Variants in SENP2 observed in about 807,000 individuals in gnomAD.
SENP2 encodes the protein sentrin-specific protease 2.
Under a neutral mutation model 86.3 loss-of-function variants are expected in SENP2, and 16 were observed. The observed-to-expected ratio is 0.19, with a 90% CI of 0.13 to 0.28. The LOEUF (loss-of-function observed/expected upper bound fraction) is 0.28. SENP2 is among the 10% of genes least tolerant of loss of function. The probability of loss-of-function intolerance (pLI) is 1.00; values close to 1 mark genes in which losing one functional copy is unlikely to be tolerated. For missense variants in SENP2, 552 were observed against 703.0 expected (o/e 0.79, Z 2.43); for synonymous variants, 222 against 238.7 (o/e 0.93, Z 0.64).
At chr3:185,621,386 CTTTTTTTTTTTT>C (rs1220771289) in intron 13 of SENP2, among the ~76,000 whole-genome samples, 7 of 78,778 alleles carry the variant, frequency 8.9e-5, no homozygotes, top group African/African-American at 3.6e-4. Context: ...TCTTTTTTTT[CTTTTTTTTTTTT>C]TTTTTTTTTT....
chr3:185,621,826 G>C lies in SENP2; in HGVS notation c.1447G>C (p.Val483Leu). ...IHRKVHWSLV[V>L]IDLRKKCLKY... ...TGGATGTTATCTTTTTCCATTATAG[G>C]TGATTGACCTAAGAAAAAAGTGTCT... The change falls in exon 14 of 17, where the codon GTG becomes CTG. Residue 483 changes from valine (V) to leucine (L), a missense_variant and splice_region_variant. Val to Leu is a conservative substitution (Grantham distance 32). Transcript: ENST00000296257. The C allele has an allele frequency of 6.3e-7, 1 of 1,582,038 alleles. No homozygotes were observed. Among genetic ancestry groups the C allele is most frequent in the South Asian group, 1.1e-5 (1 of 89,768 alleles).
intron 6 of SENP2, among the ~76,000 whole-genome samples, chr3:185,607,667 C>A (rs1321677578): frequency 1.3e-5 from 2 of 151,948 alleles, no homozygotes; most frequent in Non-Finnish European, 2.9e-5. Flanking sequence ...ATTAGTCTAA[C>A]TTGCTTTTTT....
chr3:185,618,660 C>T (rs1028709857), intron 12 of SENP2, among the ~76,000 whole-genome samples: 3 of 152,066 alleles, frequency 2.0e-5, no homozygotes, highest in Non-Finnish European at 4.4e-5. Flanking sequence ...GGGCGGATCA[C>T]GAGGTCAGGA....
chr3:185,589,252 AC>A (rs2148978972), intron 1 of SENP2, among the ~76,000 whole-genome samples: 1 of 152,310 alleles, frequency 6.6e-6, no homozygotes, highest in African/African-American at 2.4e-5. Context: ...TAAATATAAC[AC>A]TTGATTAAGA....
intron 16 of SENP2, 87 bp downstream of exon 16, chr3:185,626,480 T>C (rs1350617243): frequency 3.0e-5 from 26 of 879,218 alleles, no homozygotes; most frequent in Non-Finnish European, 4.2e-5. Context: ...CAGCTCTCAA[T>C]AGTAGTAGCT....
intron 4 of SENP2, 48 bp downstream of exon 4, chr3:185,599,072 AT>A (rs1319586730): frequency 1.8e-5 from 24 of 1,351,204 alleles, no homozygotes; most frequent in Non-Finnish European, 2.1e-5. Context: ...CCTTCTGCCC[AT>A]TTTTTTCCTA....
chr3:185,586,323 G>A lies in SENP2; in HGVS notation c.-91G>A. 6.3e-7 allele frequency: 1 copy of A among 1,581,092 alleles called. No homozygotes were observed. ...AATCAGCGACCGAACTCTGGCGGTG[G>A]TGGTTAAGACGGCGAAGGCGGCAGC... On this transcript the variant is annotated 5_prime_UTR_variant, in exon 1 of 17. In the 5' UTR this introduces an upstream ATG that the reference lacks. Transcript: ENST00000296257. The surrounding 1 kb of genome is among the most constrained non-coding windows in gnomAD (Gnocchi z 4.3).
chr3:185,622,183 T>C (rs1452320236), intron 14 of SENP2, among the ~76,000 whole-genome samples: 1 of 152,224 alleles, frequency 6.6e-6, no homozygotes, highest in Admixed American at 6.5e-5. Flanking sequence ...TTATTCTGAA[T>C]GTTCTTAGGA....
intron 14 of SENP2, among the ~76,000 whole-genome samples, chr3:185,622,641 G>T (rs1247943819): frequency 1.3e-5 from 2 of 151,918 alleles, no homozygotes; most frequent in African/African-American, 4.8e-5. Context: ...TTATAAAATG[G>T]TTCTCTTCTA....
At position 185,588,050 on chromosome 3, in the gene SENP2, A is replaced by ATTTTTTTTTTT. The variant is rs1196425963; in HGVS notation, c.101+1551_101+1561dup. On this transcript the variant is annotated intron_variant, in intron 1 of 16. Transcript: ENST00000296257. ...CACAGCGCCCGGCCACTACCGGCTA[A>ATTTTTTTTTTT]TTTTTTTTTTTTTTTTTTTTTTTTT... Among the ~76,000 whole-genome samples the ATTTTTTTTTTT allele has an allele frequency of 1.4e-4, 9 of 64,786 alleles. 2 individuals carry two copies. Among genetic ancestry groups the ATTTTTTTTTTT allele is most frequent in the East Asian group, 8.8e-4 (2 of 2,280 alleles). The allele number at this position is 64,786 out of a possible 152,430, so 42.5% of individuals were successfully genotyped here. A position where few individuals can be genotyped will look rare whatever the true frequency, so the allele number is the denominator to read the frequency against.
intron 16 of SENP2, 124 bp from the exon 17 acceptor site, chr3:185,629,658 T>TA (rs780202512): frequency 3.4e-6 from 3 of 880,100 alleles, no homozygotes; most frequent in Non-Finnish European, 5.6e-6. Context: ...TTCCATGATG[T>TA]AAAAATGTCA....
chr3:185,609,178 T>C, intron 6 of SENP2, 69 bp from the exon 7 acceptor site: 2 of 1,017,576 alleles, frequency 2.0e-6, no homozygotes, highest in Middle Eastern at 2.1e-4. Flanking sequence ...ACACCTATGG[T>C]TTACATTTGG....
intron 2 of SENP2, among the ~76,000 whole-genome samples, chr3:185,598,142 A>G (rs966280737): frequency 6.6e-6 from 1 of 151,586 alleles, no homozygotes; most frequent in Admixed American, 6.6e-5. Flanking sequence ...CCTCCCAGGT[A>G]GCTGGGACTA....
chr3:185,589,702 C>T (rs1253104280), intron 1 of SENP2, among the ~76,000 whole-genome samples: 1 of 152,198 alleles, frequency 6.6e-6, no homozygotes, highest in Non-Finnish European at 1.5e-5. Flanking sequence ...CAAGGTCTCA[C>T]TCTTTTGATT....
intron 11 of SENP2, among the ~76,000 whole-genome samples, chr3:185,616,984 A>G (rs765488883): frequency 6.6e-6 from 1 of 152,160 alleles, no homozygotes; most frequent in African/African-American, 2.4e-5. Flanking sequence ...TGGATCAATG[A>G]TGTGCTTCAA....
chr3:185,625,222 C>T (rs1712087742), intron 15 of SENP2, among the ~76,000 whole-genome samples: 1 of 151,996 alleles, frequency 6.6e-6, no homozygotes, highest in African/African-American at 2.4e-5. Flanking sequence ...TACCATTCTC[C>T]TGCCTCAGCC....
At chr3:185,628,262 C>T (rs1712238496) in intron 16 of SENP2, among the ~76,000 whole-genome samples, 1 of 151,950 alleles carries the variant, frequency 6.6e-6, no homozygotes, top group South Asian at 2.1e-4. Context: ...TCAGCCTCCC[C>T]AGTAGCTGGG....
At chr3:185,593,652 A>G (rs1209241665) in intron 2 of SENP2, among the ~76,000 whole-genome samples, 1 of 152,110 alleles carries the variant, frequency 6.6e-6, no homozygotes, top group African/African-American at 2.4e-5. Context: ...TATATCTTCA[A>G]TACTTGTCTA....
In SENP2 at chr3:185,632,317, C is replaced by G. The variant is rs555871602; in HGVS notation, c.*2473C>G. On this transcript the variant is annotated 3_prime_UTR_variant, in exon 17 of 17. Coordinates refer to ENST00000296257, the MANE Select transcript of SENP2 (RefSeq NM_021627.3). ...TGGTGTGATCTCAGCTCACTGCAAC[C>G]TCCGCCTCCCAGGTTCAAGCGATTC... 2 of 147,550 alleles carry G rather than the reference C, an allele frequency of 1.4e-5. No individual in the cohort carries two copies. Among genetic ancestry groups the G allele is most frequent in the African/African-American group, 5.0e-5 (2 of 39,934 alleles). The allele number at this position is 147,550 out of a possible 1,614,324, so 9.1% of individuals were successfully genotyped here.
Sources: gnomAD v4.1 joint callset for allele counts (sites outside exome capture counted in the v4.1 genomes callset) on GRCh38, gnomAD v4.1.1 for gene constraint, Gnocchi (gnomAD v3.1) non-coding constraint, MANE v1.5 for transcripts, NCBI Gene and HGNC (gene_info 2026-07-23, HGNC 2026-07-21) for gene names.